The following DNM3 variants were observed in gnomAD, a reference collection of about 807,000 sequenced individuals.
DNM3 encodes the protein dynamin-3.
A neutral mutation model predicts 101.6 loss-of-function variants in DNM3; 47 were observed. The observed-to-expected ratio is 0.46, with a 90% CI of 0.37 to 0.59. The LOEUF is 0.59. Among genes scored for constraint, DNM3 ranks in the 20% least tolerant of loss-of-function variants. The probability of loss-of-function intolerance (pLI) is 0.00; values close to 1 mark genes in which losing one functional copy is unlikely to be tolerated. For synonymous variants in DNM3, 385 were observed against 387.9 expected, an observed-to-expected ratio of 0.99 and a Z score of 0.09; for missense variants, 849 against 1,085.7, an observed-to-expected ratio of 0.78 and a Z score of 3.06.
intron 17 of DNM3, among the ~76,000 whole-genome samples, chr1:172,343,389 T>TA (rs1030834047): frequency 3.1e-4 from 46 of 146,822 alleles, no homozygotes; most frequent in South Asian, 1.3e-3. Context: ...AAATCCACTT[T>TA]AAAAAAAAAA....
intron 1 of DNM3, among the ~76,000 whole-genome samples, chr1:171,875,836 G>C (rs2035723538): frequency 1.5e-4 from 2 of 13,234 alleles, no homozygotes; most frequent in South Asian, 4.7e-3. Flanking sequence ...TTTTGAGATG[G>C]AGTATCGTTC....
chr1:171,972,313 G>A (rs1460510581), intron 2 of DNM3, among the ~76,000 whole-genome samples: 1 of 152,174 alleles, frequency 6.6e-6, no homozygotes, highest in Non-Finnish European at 1.5e-5. Flanking sequence ...ACTGGCTTTG[G>A]TAGAAAATCT....
chr1:172,096,910 G>C lies in DNM3; in HGVS notation c.1545+4035G>C, dbSNP rs539507532. On this transcript the variant is annotated intron_variant, in intron 13 of 20. Coordinates refer to ENST00000627582, the MANE Select transcript of DNM3 (RefSeq NM_015569.5). ...GTGAGGATGCTTTTGAAATTATTCA[G>C]GTGAGAGAAACATTGGTTGCAGGTA... 2.6e-5 allele frequency among the ~76,000 whole-genome samples: 4 copies of C among 152,284 alleles called. No homozygotes were observed. In the South Asian group the frequency reaches 6.2e-4, roughly 24 times the overall value.
At chr1:172,217,578 G>A (rs191687514) in intron 14 of DNM3, among the ~76,000 whole-genome samples, 27 of 152,080 alleles carry the variant, frequency 1.8e-4, no homozygotes, top group African/African-American at 4.8e-4. Flanking sequence ...CCTCTTATTC[G>A]ATCATTTGTT....
At chr1:172,163,119 G>C (rs1459834056) in intron 14 of DNM3, among the ~76,000 whole-genome samples, 1 of 152,012 alleles carries the variant, frequency 6.6e-6, no homozygotes, top group Admixed American at 6.6e-5. Context: ...CCACAGTCAA[G>C]TTAATTAACA....
At chr1:171,864,166 T>G (rs1268742369) in intron 1 of DNM3, 1 of 152,232 alleles carries the variant, frequency 6.6e-6, no homozygotes, top group Non-Finnish European at 1.5e-5. Context: ...TAGCAAAACG[T>G]GACTGAGAGA....
chr1:171,927,447 G>A (rs1028157903), intron 2 of DNM3, among the ~76,000 whole-genome samples: 23 of 151,994 alleles, frequency 1.5e-4, no homozygotes, highest in Admixed American at 2.0e-4. Flanking sequence ...CCTTCTTTGT[G>A]TTCAAAAATT....
chr1:172,072,907 G>T (rs1162852963), intron 11 of DNM3, among the ~76,000 whole-genome samples: 1 of 152,028 alleles, frequency 6.6e-6, no homozygotes, highest in Non-Finnish European at 1.5e-5. Context: ...ACAAAAAAAA[G>T]AGTTAACTGT....
chr1:172,097,528 A>T (rs1390048826), intron 13 of DNM3, among the ~76,000 whole-genome samples: 1 of 152,220 alleles, frequency 6.6e-6, no homozygotes, highest in East Asian at 1.9e-4. Flanking sequence ...ACTGTTGTCA[A>T]TAAATACATG....
intron 6 of DNM3, 56 bp downstream of exon 6, chr1:172,033,321 G>A: frequency 2.1e-6 from 3 of 1,460,768 alleles, no homozygotes; most frequent in Non-Finnish European, 2.7e-6. Flanking sequence ...AGTAGGTGCT[G>A]GAATTCATAT....
chr1:172,162,761 T>C (rs1354880830), intron 14 of DNM3, among the ~76,000 whole-genome samples: 1 of 152,114 alleles, frequency 6.6e-6, no homozygotes, highest in African/African-American at 2.4e-5. Context: ...TTTCCCAGAA[T>C]AATTTACTTC....
intron 15 of DNM3, among the ~76,000 whole-genome samples, chr1:172,257,117 G>A (rs905046917): frequency 6.6e-6 from 1 of 151,948 alleles, no homozygotes; most frequent in Non-Finnish European, 1.5e-5. Flanking sequence ...ATTGGATTAT[G>A]CTTGTTAATT....
chr1:172,223,348 C>T (rs1485326748), intron 14 of DNM3, among the ~76,000 whole-genome samples: 2 of 150,238 alleles, frequency 1.3e-5, no homozygotes, highest in Admixed American at 6.6e-5. Context: ...CCAGGCATAT[C>T]GGCAGGCACC....
intron 14 of DNM3, chr1:172,132,784 T>G (rs1017765041): frequency 8.4e-5 from 55 of 658,264 alleles, no homozygotes; most frequent in Non-Finnish European, 1.4e-4. Context: ...TTAACCATAT[T>G]CAGCCTTAAC....
chr1:172,058,149 C>T (rs1261271339), intron 10 of DNM3, among the ~76,000 whole-genome samples: 1 of 139,308 alleles, frequency 7.2e-6, no homozygotes, highest in Non-Finnish European at 1.5e-5. Flanking sequence ...AGCTAACTAT[C>T]TTAAATATAT....
At chr1:172,199,640 C>A (rs1217510770) in intron 14 of DNM3, among the ~76,000 whole-genome samples, 2 of 151,970 alleles carry the variant, frequency 1.3e-5, no homozygotes, top group East Asian at 3.9e-4. Flanking sequence ...TGAATTGAAT[C>A]CTTCACCATT....
chr1:172,108,164 CT>C (rs1009315533), intron 13 of DNM3, among the ~76,000 whole-genome samples: 1 of 151,852 alleles, frequency 6.6e-6, no homozygotes, highest in African/African-American at 2.4e-5. Flanking sequence ...AACAATCTTA[CT>C]TTTTTTTCCT....
chr1:171,841,764 G>A lies in DNM3; in HGVS notation c.108G>A (p.Val36=), dbSNP rs200969795. 165 of 1,610,564 alleles carry A rather than the reference G, an allele frequency of 1.0e-4. 1 individual carries two copies. The East Asian group carries it at 2.8e-3, about 28-fold the overall frequency. ...TGCTGGAGCTGCCGCAGATCGCCGT[G>A]GTGGGCGGCCAGAGCGCCGGCAAGA... ...SCLLELPQIA[V]VGGQSAGKSS... is the part of the protein sequence containing the mutation. Residue 36 remains valine (V), a synonymous_variant, in exon 1 of 21, where the codon GTG becomes GTA. Transcript: ENST00000627582.
Position 172,183,949 on chromosome 1 carries a change from G to T in DNM3, c.1659+52661G>T, listed in dbSNP as rs115727977. ...TTTCTAGAGAATCAGCAGTGTAATAGAAATTAATATTCTAGTACTCAAAAC... is the reference window on the plus strand; with the variant it reads ...TTTCTAGAGAATCAGCAGTGTAATATAAATTAATATTCTAGTACTCAAAAC... On this transcript the variant is annotated intron_variant, in intron 14 of 20. Coordinates refer to ENST00000627582, the MANE Select transcript of DNM3 (RefSeq NM_015569.5). Among the ~76,000 whole-genome samples, 555 of 150,420 alleles carry T rather than the reference G, an allele frequency of 3.7e-3. 10 individuals carry two copies. The highest frequency in any genetic ancestry group is 0.013 in the African/African-American group (529 of 40,866).
Sources: allele counts gnomAD v4.1 joint callset (sites outside exome capture counted in the v4.1 genomes callset), GRCh38; gene constraint gnomAD v4.1.1; transcripts MANE v1.5; gene names NCBI Gene and HGNC (gene_info 2026-07-23, HGNC 2026-07-21).